The following PTCD3 variants were observed in gnomAD, a reference collection of about 807,000 sequenced individuals.
The protein encoded by PTCD3 is pentatricopeptide repeat domain 3.
PTCD3 carries 89 observed loss-of-function variants against 101.9 expected under a neutral mutation model. The observed-to-expected ratio is 0.87, with a 90% CI of 0.74 to 1.04. The LOEUF (loss-of-function observed/expected upper bound fraction) is 1.04. PTCD3 is among the 50% of genes least tolerant of loss of function. The probability of loss-of-function intolerance (pLI) is 0.00; values close to 1 mark genes in which losing one functional copy is unlikely to be tolerated. For synonymous variants in PTCD3, 296 were observed against 278.5 expected (o/e 1.06, Z -0.63); for missense variants, 870 against 828.2 (o/e 1.05, Z -0.62).
At chr2:86,109,558 C>T (rs944653851) in intron 3 of PTCD3, among the ~76,000 whole-genome samples, 2 of 152,172 alleles carry the variant, frequency 1.3e-5, no homozygotes, top group East Asian at 3.8e-4. Flanking sequence ...TTAAAACTTA[C>T]CGTATTGGCA....
At chr2:86,131,216 T>G in intron 16 of PTCD3, 110 bp downstream of exon 16, 1 of 794,820 alleles carries the variant, frequency 1.3e-6, no homozygotes, top group Non-Finnish European at 1.9e-6. Flanking sequence ...ATGTCTTTGC[T>G]TCTGTTTTTT....
At chr2:86,121,448 G>A in intron 7 of PTCD3, 31 bp from the exon 8 acceptor site, 2 of 1,389,224 alleles carry the variant, frequency 1.4e-6, no homozygotes, top group Non-Finnish European at 2.0e-6. Flanking sequence ...TTGTTTCAAG[G>A]TTTCTTTATC....
At chr2:86,131,316 C>G (rs558222666) in intron 16 of PTCD3, among the ~76,000 whole-genome samples, 1 of 152,132 alleles carries the variant, frequency 6.6e-6, no homozygotes, top group East Asian at 1.9e-4. Flanking sequence ...TCACCGCAAC[C>G]TCTGCCTCCT....
intron 3 of PTCD3, among the ~76,000 whole-genome samples, chr2:86,109,659 T>C (rs533114033): frequency 6.6e-6 from 1 of 152,344 alleles, no homozygotes; most frequent in Non-Finnish European, 1.5e-5. Flanking sequence ...GAATTGGAAA[T>C]GTGCGTACCT....
chr2:86,109,124 C>T (rs115051910), intron 3 of PTCD3, among the ~76,000 whole-genome samples: 137 of 152,218 alleles, frequency 9.0e-4, no homozygotes, highest in African/African-American at 3.2e-3. Context: ...GACTCGGGTT[C>T]GCCAGGCGCG....
chr2:86,116,236 T>G (rs1674174909), intron 4 of PTCD3, among the ~76,000 whole-genome samples: 1 of 152,238 alleles, frequency 6.6e-6, no homozygotes, highest in Admixed American at 6.5e-5. Context: ...CTTAAAAATT[T>G]AGCTAGAAAG....
In PTCD3 at chr2:86,139,449, T is replaced by C. The variant is rs4832251; in HGVS notation, c.*1890T>C. ...GAGGGAGGTTGCAGTGAGCCGTGAT[T>C]GCACCACTGCACTCCAGCCTGGGCA... is the stretch of plus-strand genomic sequence containing the variant. On this transcript the variant is annotated 3_prime_UTR_variant, in exon 24 of 24. Transcript: ENST00000254630. 0.74 allele frequency: 112,806 copies of C among 152,490 alleles called. 43,011 individuals are homozygous for C. The highest frequency in any genetic ancestry group is 0.84 in the South Asian group (4,046 of 4,820). 9.4% of individuals were successfully genotyped at this position (152,490 alleles called of 1,614,324 possible).
intron 3 of PTCD3, among the ~76,000 whole-genome samples, chr2:86,109,272 G>C (rs1246718880): frequency 6.6e-6 from 1 of 152,046 alleles, no homozygotes; most frequent in Non-Finnish European, 1.5e-5. Flanking sequence ...CGGATGTGGT[G>C]GGGGGTCGCC....
chr2:86,130,645 C>T lies in PTCD3; in HGVS notation c.1148-3C>T. The T allele has an allele frequency of 6.2e-7, 1 of 1,607,566 alleles. No homozygotes were observed. The highest frequency in any genetic ancestry group is 8.5e-7 in the Non-Finnish European group (1 of 1,177,066). On this transcript the variant is annotated splice_polypyrimidine_tract_variant and splice_region_variant and intron_variant, in intron 14 of 23. Transcript: ENST00000254630. ...TAAACACATTTGCTTTCTTGTTCTG[C>T]AGGAGACCCTTTAAAGAGATCATCC...
intron 4 of PTCD3, among the ~76,000 whole-genome samples, chr2:86,115,287 G>T (rs1674159111): frequency 6.6e-6 from 1 of 152,154 alleles, no homozygotes; most frequent in South Asian, 2.1e-4. Context: ...CAGTCACCTT[G>T]GTTATTGTCG....
intron 3 of PTCD3, 191 bp downstream of exon 3, chr2:86,108,727 C>A: frequency 2.1e-6 from 1 of 487,724 alleles, no homozygotes; most frequent in Non-Finnish European, 3.7e-6. Context: ...AGTGAATGAG[C>A]AATGAGATTT....
At chr2:86,128,052 A>C in intron 14 of PTCD3, 61 bp downstream of exon 14, 1 of 1,309,970 alleles carries the variant, frequency 7.6e-7, no homozygotes, top group East Asian at 2.3e-5. Flanking sequence ...TCTTGAGTTT[A>C]TGTGATTAAT....
At position 86,118,971 on chromosome 2, in the gene PTCD3, C is replaced by T. The variant is rs562258983; in HGVS notation, c.465C>T (p.Ala155=). The change falls in exon 7 of 24, where the codon GCC becomes GCT. Residue 155 remains alanine, a synonymous_variant. Coordinates refer to ENST00000254630, the MANE Select transcript of PTCD3 (RefSeq NM_017952.6). ...FEPQIKDISE[A]ALKERIELRK... is the part of the protein sequence containing the mutation. ...CTCAGATCAAAGACATAAGTGAAGC[C>T]GCCCTGAAGGAACGAATTGAGCTCA... The T allele has an allele frequency of 4.7e-5, 76 of 1,613,862 alleles. No individual in the cohort carries two copies. In the South Asian group the frequency reaches 6.6e-4, roughly 14 times the overall value.
chr2:86,109,772 T>A (rs907355797), intron 3 of PTCD3, among the ~76,000 whole-genome samples: 1 of 152,228 alleles, frequency 6.6e-6, no homozygotes, highest in Non-Finnish European at 1.5e-5. Flanking sequence ...GAATGCCCAT[T>A]GAAAAGTGAA....
At chr2:86,136,700 C>A in intron 22 of PTCD3, 138 bp downstream of exon 22, 1 of 1,008,194 alleles carries the variant, frequency 9.9e-7, no homozygotes, top group Non-Finnish European at 1.5e-6. Flanking sequence ...CTATCCAGGG[C>A]ATCCTGAGGC....
intron 13 of PTCD3, 76 bp downstream of exon 13, chr2:86,127,381 G>A: frequency 6.9e-7 from 1 of 1,452,944 alleles, no homozygotes; most frequent in Non-Finnish European, 9.3e-7. Context: ...TAAGCAAAGA[G>A]CTTTAAATTA....
chr2:86,126,858 C>T (rs957767523), intron 12 of PTCD3, among the ~76,000 whole-genome samples: 1 of 151,618 alleles, frequency 6.6e-6, no homozygotes, highest in Admixed American at 6.6e-5. Flanking sequence ...AAAAACCAAC[C>T]ACTTTTTTAT....
intron 14 of PTCD3, 129 bp downstream of exon 14, chr2:86,128,120 G>T: frequency 1.2e-6 from 1 of 816,434 alleles, no homozygotes; most frequent in Non-Finnish European, 2.0e-6. Flanking sequence ...AAATTAACCT[G>T]TACAGCCTGA....
intron 7 of PTCD3, 76 bp from the exon 8 acceptor site, chr2:86,121,403 T>A (rs1558796452): frequency 1.1e-6 from 1 of 892,630 alleles, no homozygotes; most frequent in South Asian, 1.6e-5. Flanking sequence ...TATAAAAAAA[T>A]GACACATTTT....
Sources: gnomAD v4.1 joint callset for allele counts (sites outside exome capture counted in the v4.1 genomes callset) on GRCh38, gnomAD v4.1.1 for gene constraint, MANE v1.5 for transcripts, NCBI Gene and HGNC (gene_info 2026-07-23, HGNC 2026-07-21) for gene names.